ZNF318: variants seen among roughly 807,000 people sequenced by gnomAD.
The protein encoded by ZNF318 is zinc finger protein 318, also known as endocrine regulator.
ZNF318 carries 51 observed loss-of-function variants against 124.2 expected under a neutral mutation model. That is an observed-to-expected ratio of 0.41 (90% CI 0.33 to 0.52). The LOEUF is 0.52. Among genes scored for constraint, ZNF318 ranks in the 20% least tolerant of loss-of-function variants. ZNF318 has a pLI of 0.23. For missense variants in ZNF318, 2,815 were observed against 2,811.2 expected, an observed-to-expected ratio of 1.00 and a Z score of -0.03; for synonymous variants, 1,090 against 1,040.7, an observed-to-expected ratio of 1.05 and a Z score of -0.91.
In ZNF318 at chr6:43,369,427, G is replaced by C. The variant is rs1048344380; in HGVS notation, c.-62C>G. On this transcript the variant is annotated 5_prime_UTR_variant, in exon 1 of 10. Coordinates refer to ENST00000361428, the MANE Select transcript of ZNF318 (RefSeq NM_014345.3). ...CCGGGGGCGCCCTAGACGCAGGCTC[G>C]GAGCGCGCCGCCGCAGCTGCAGCCG... 4.4e-6 allele frequency: 5 copies of C among 1,141,172 alleles called. No homozygotes were observed. The African/African-American group carries it at 8.2e-5, about 19-fold the overall frequency. The allele number at this position is 1,141,172 out of a possible 1,614,324, so 70.7% of individuals were successfully genotyped here. A position where few individuals can be genotyped will look rare whatever the true frequency, so the allele number is the denominator to read the frequency against.
In ZNF318 at chr6:43,337,328, G is replaced by A. The variant is rs770777703; in HGVS notation, c.6670C>T (p.Gln2224Ter). Residue 2224 changes from glutamine to a stop codon, truncating the protein, a stop_gained, in exon 10 of 10, where the codon CAA becomes TAA. Coordinates refer to ENST00000361428, the MANE Select transcript of ZNF318 (RefSeq NM_014345.3). LOFTEE classifies it low-confidence loss of function (END_TRUNC). ...GGGTCGCCACTGTCATCATCTACTT[G>A]CAGAATTGCCACCTCTGTGGTGGAT... is the stretch of plus-strand genomic sequence containing the variant. ...NASTTEVAILQVDDDSGDPLN... is the reference protein window; with the variant it reads ...NASTTEVAIL 6.2e-7 allele frequency: 1 copy of A among 1,614,106 alleles called. No individual in the cohort carries two copies. The highest frequency in any genetic ancestry group is 8.5e-7 in the Non-Finnish European group (1 of 1,180,008).
rs1264617243 is a variant in ZNF318 at position 43,337,718 on chromosome 6, G to T, written c.6280C>A (p.Pro2094Thr). 2.5e-6 allele frequency: 4 copies of T among 1,614,170 alleles called. No individual in the cohort carries two copies. In the South Asian group the frequency reaches 4.4e-5, roughly 18 times the overall value. Residue 2094 changes from proline to threonine, a missense_variant, in exon 10 of 10, where the codon CCC (proline) becomes ACC (threonine). Coordinates refer to ENST00000361428, the MANE Select transcript of ZNF318 (RefSeq NM_014345.3). ...ETEGERNSPNPRSVRIPSPNI... is the reference protein window; with the variant it reads ...ETEGERNSPNTRSVRIPSPNI... The stretch of plus-strand genomic sequence containing the variant: ...GGAGAAGGGATCCTAACACTCCTGG[G>T]ATTAGGTGAGTTTCGTTCACCCTCT...
intron 1 of ZNF318, among the ~76,000 whole-genome samples, chr6:43,367,735 C>T (rs1249618524): frequency 6.6e-6 from 1 of 152,204 alleles, no homozygotes; most frequent in Non-Finnish European, 1.5e-5. Flanking sequence ...GTAGTGACTG[C>T]CACCCACACT....
At chr6:43,349,073 C>T (rs1433047789) in intron 5 of ZNF318, among the ~76,000 whole-genome samples, 2 of 152,140 alleles carry the variant, frequency 1.3e-5, no homozygotes, top group Admixed American at 6.5e-5. Context: ...TGAGACTCTC[C>T]TTCCACATGG....
chr6:43,340,995 G>T, intron 8 of ZNF318, 87 bp from the exon 9 acceptor site: 1 of 986,930 alleles, frequency 1.0e-6, no homozygotes, highest in Non-Finnish European at 1.6e-6. Flanking sequence ...CCCCTTTGCA[G>T]TAAAATGGTT....
Position 43,339,057 on chromosome 6 carries a change from T to C in ZNF318, c.4941A>G (p.Ala1647=). 6.2e-7 allele frequency: 1 copy of C among 1,614,230 alleles called. No homozygotes were observed. The highest frequency in any genetic ancestry group is 8.5e-7 in the Non-Finnish European group (1 of 1,180,034). Reference sequence around the variant, plus strand: ...ATTTCCCTAGGGCCACCAGAGTTTTTGCAATGGGCTTTTCAGAGTTGCTAA... The same window carrying C: ...ATTTCCCTAGGGCCACCAGAGTTTTCGCAATGGGCTTTTCAGAGTTGCTAA... ...PIVSNSEKPI[A]KTLVALGKWS... The change falls in exon 10 of 10, where the codon GCA becomes GCG. Residue 1647 remains alanine, a synonymous_variant. Coordinates refer to ENST00000361428, the MANE Select transcript of ZNF318 (RefSeq NM_014345.3). The surrounding 1 kb of genome is among the most constrained non-coding windows in gnomAD (Gnocchi z 4.2).
intron 1 of ZNF318, among the ~76,000 whole-genome samples, chr6:43,367,149 C>A (rs1287117475): frequency 6.6e-6 from 1 of 152,204 alleles, no homozygotes; most frequent in Non-Finnish European, 1.5e-5. Context: ...CGCGCCCGGC[C>A]CTATTTTAGT....
rs1483956162 is a variant in ZNF318 at position 43,338,031 on chromosome 6, T to C, written c.5967A>G (p.Leu1989=). The C allele has an allele frequency of 1.2e-6, 2 of 1,614,226 alleles. No homozygotes were observed. The highest frequency in any genetic ancestry group is 8.5e-7 in the Non-Finnish European group (1 of 1,180,040). ...ALELQDVHPE[L]TVTIESKALE... is the part of the protein sequence containing the mutation. ...GGGCCTTGCTTTCTATTGTCACTGTTAACTCTGGATGGACATCTTGTAGCT... is the reference window on the plus strand; with the variant it reads ...GGGCCTTGCTTTCTATTGTCACTGTCAACTCTGGATGGACATCTTGTAGCT... Residue 1989 remains leucine (L), a synonymous_variant, in exon 10 of 10, where the codon TTA becomes TTG. Transcript: ENST00000361428.
Position 43,336,452 on chromosome 6 carries a change from TA to T in ZNF318, c.*705del, listed in dbSNP as rs1489775523. 1.3e-5 allele frequency: 2 copies of T among 152,242 alleles called. No homozygotes were observed. The highest frequency in any genetic ancestry group is 2.9e-5 in the Non-Finnish European group (2 of 68,034). 9.4% of individuals were successfully genotyped at this position (152,242 alleles called of 1,614,324 possible). A position where few individuals can be genotyped will look rare whatever the true frequency, so the allele number is the denominator to read the frequency against. On this transcript the variant is annotated 3_prime_UTR_variant, in exon 10 of 10. Coordinates refer to ENST00000361428, the MANE Select transcript of ZNF318 (RefSeq NM_014345.3). ...TAAGCCTTACCGATTTGTCGTCTTC[TA>T]AAAGTAAGCCTGCCAGATATTCTTC...
chr6:43,350,468 A>G (rs938611353), intron 5 of ZNF318, among the ~76,000 whole-genome samples: 2 of 152,218 alleles, frequency 1.3e-5, no homozygotes, highest in Admixed American at 6.5e-5. Flanking sequence ...AGTGAGGGTT[A>G]GGAAGTTCCC....
chr6:43,350,016 G>A (rs1377140814), intron 5 of ZNF318, among the ~76,000 whole-genome samples: 4 of 152,280 alleles, frequency 2.6e-5, no homozygotes, highest in South Asian at 2.1e-4. Flanking sequence ...TTGGGAGGTC[G>A]AGGCAGGCGG....
intron 3 of ZNF318, among the ~76,000 whole-genome samples, chr6:43,356,735 C>G (rs1020876378): frequency 2.6e-5 from 4 of 152,106 alleles, no homozygotes; most frequent in African/African-American, 9.7e-5. Context: ...GATTTCTAGT[C>G]CAGTGTCCTA....
In ZNF318 at chr6:43,348,357, T is replaced by A. The variant is rs1301724838; in HGVS notation, c.3039A>T (p.Lys1013Asn). ...AGGAGGAGTTTGAGAACGATGACAC[T>A]TTTTCTGGGCTCTTAGATTTTTCTG... is the stretch of plus-strand genomic sequence containing the variant. ...GKAEKSKSPE[K>N]VSSFSNSSSN... Residue 1013 changes from lysine (K) to asparagine (N), a missense_variant, in exon 6 of 10, where the codon AAA becomes AAT. This residue lies in a region of ZNF318 where 1,377 missense variants were observed against 1,353.5 expected (regional missense o/e 1.02). Coordinates refer to ENST00000361428, the MANE Select transcript of ZNF318 (RefSeq NM_014345.3). The A allele has an allele frequency of 1.2e-6, 2 of 1,611,280 alleles. No homozygotes were observed. Among genetic ancestry groups the A allele is most frequent in the Non-Finnish European group, 1.7e-6 (2 of 1,179,138 alleles).
chr6:43,356,102 G>A lies in ZNF318; in HGVS notation c.1232C>T (p.Pro411Leu), dbSNP rs374662596. 2.5e-6 allele frequency: 4 copies of A among 1,613,868 alleles called. No individual in the cohort carries two copies. The highest frequency in any genetic ancestry group is 3.4e-6 in the Non-Finnish European group (4 of 1,179,946). Reference protein sequence around the residue: ...SSSTSSSQDHPLYSGHPSLPL... With the variant: ...SSSTSSSQDHLLYSGHPSLPL... ...AAGGGATGGGTGCCCAGAGTAGAGAGGGTGATCCTGGCTGGAGCTGGTACT... is the reference window on the plus strand; with the variant it reads ...AAGGGATGGGTGCCCAGAGTAGAGAAGGTGATCCTGGCTGGAGCTGGTACT... Residue 411 changes from proline (P) to leucine (L), a missense_variant, in exon 4 of 10, where the codon CCT becomes CTT. Transcript: ENST00000361428.
rs1779321504 is a variant in ZNF318, at chr6:43,338,467, C to A, written c.5531G>T (p.Gly1844Val). Residue 1844 changes from glycine (G) to valine (V), a missense_variant, in exon 10 of 10, where the codon GGA (glycine) becomes GTA (valine). Physicochemically the swap from Gly to Val is moderately radical, Grantham distance 109. Coordinates refer to ENST00000361428, the MANE Select transcript of ZNF318 (RefSeq NM_014345.3). ...EAEQSNKLMT[G>V]SETPSKVVIK... is the part of the protein sequence containing the mutation. ...CACTACTTTACTTGGAGTTTCACTT[C>A]CTGTCATCAATTTATTGGACTGTTC... The A allele has an allele frequency of 1.2e-6, 2 of 1,614,070 alleles. No homozygotes were observed. The highest frequency in any genetic ancestry group is 1.7e-5 in the Admixed American group (1 of 60,012).
intron 8 of ZNF318, among the ~76,000 whole-genome samples, chr6:43,341,886 C>T (rs1024348853): frequency 6.6e-6 from 1 of 152,126 alleles, no homozygotes; most frequent in Non-Finnish European, 1.5e-5. Flanking sequence ...CTATGTTTAA[C>T]ATCTGTGAAT....
intron 2 of ZNF318, 124 bp downstream of exon 2, chr6:43,365,168 G>A: frequency 9.7e-7 from 1 of 1,026,814 alleles, no homozygotes; most frequent in South Asian, 1.6e-5. Context: ...ATTTTGTACT[G>A]GACATGTGGC....
chr6:43,358,349 G>A (rs746660847), intron 2 of ZNF318, among the ~76,000 whole-genome samples: 52 of 150,868 alleles, frequency 3.4e-4, no homozygotes, highest in Admixed American at 3.3e-3. Flanking sequence ...TCAGGTTCAC[G>A]CCATTCTCCT....
Position 43,357,733 on chromosome 6 carries a change from C to G in ZNF318, c.581G>C (p.Arg194Pro). 1 of 1,601,514 alleles carries G rather than the reference C, an allele frequency of 6.2e-7. No individual in the cohort carries two copies. The highest frequency in any genetic ancestry group is 1.1e-5 in the South Asian group (1 of 90,796). The change falls in exon 3 of 10, where the codon CGA (arginine) becomes CCA (proline). Residue 194 changes from arginine (R) to proline (P), a missense_variant. Transcript: ENST00000361428. ...DDLTDDSVFTRSSQCSRGLER... is the reference protein window; with the variant it reads ...DDLTDDSVFTPSSQCSRGLER... ...AAGACCCCGAGAGCACTGGGAGCTT[C>G]GAGTGAAGACAGAATCATCAGTCAG...
Sources: allele counts gnomAD v4.1 joint callset (sites outside exome capture counted in the v4.1 genomes callset), GRCh38; gene constraint gnomAD v4.1.1; regional missense constraint gnomAD v4.1.1; non-coding constraint Gnocchi (gnomAD v3.1); transcripts MANE v1.5; gene names NCBI Gene and HGNC (gene_info 2026-07-23, HGNC 2026-07-21).